ANKH: variants seen among roughly 807,000 people sequenced by gnomAD.
ANKH encodes ANKH inorganic pyrophosphate transport regulator.
ANKH carries 15 observed loss-of-function variants against 49.0 expected under a neutral mutation model. That is an observed-to-expected ratio of 0.31 (90% CI 0.20 to 0.47). ANKH has a LOEUF of 0.47. Ranked by LOEUF, ANKH falls within the 20% of genes least tolerant of loss-of-function variation. ANKH has a pLI of 1.00. For missense variants in ANKH, 429 were observed against 652.0 expected (o/e 0.66, Z 3.72); for synonymous variants, 273 against 260.0 (o/e 1.05, Z -0.48).
At position 14,805,156 on chromosome 5, in the gene ANKH, G is replaced by A. The variant is rs562343209; in HGVS notation, c.97-35965C>T. On this transcript the variant is annotated intron_variant, in intron 1 of 11. Coordinates refer to ENST00000284268, the MANE Select transcript of ANKH (RefSeq NM_054027.6). ...GGGCACAATCTAATCAGCTGCCAGC[G>A]AATATAAAGCAGGCAGAAAAATATG... Among the ~76,000 whole-genome samples, 4 of 152,096 alleles carry A rather than the reference G, an allele frequency of 2.6e-5. No homozygotes were observed. In the South Asian group the frequency reaches 6.3e-4, roughly 24 times the overall value.
chr5:14,798,040 T>C lies in ANKH; in HGVS notation c.97-28849A>G, dbSNP rs1177978231. ...CTGTTTACTTTTCCTTCATGGTTGA[T>C]CTTGATTTCTATTTCAATTTTTCCA... On this transcript the variant is annotated intron_variant, in intron 1 of 11. Transcript: ENST00000284268. 6.9e-6 allele frequency: 11 copies of C among 1,582,888 alleles called. No homozygotes were observed. In the South Asian group the frequency reaches 1.2e-4, roughly 17 times the overall value.
intron 2 of ANKH, among the ~76,000 whole-genome samples, chr5:14,759,159 T>C (rs1233867296): frequency 6.6e-6 from 1 of 152,254 alleles, no homozygotes; most frequent in Non-Finnish European, 1.5e-5. Flanking sequence ...TGCCAGTTCT[T>C]TTATTTCACT....
At chr5:14,867,451 TA>T (rs1321167440) in intron 1 of ANKH, among the ~76,000 whole-genome samples, 1 of 152,242 alleles carries the variant, frequency 6.6e-6, no homozygotes, top group Non-Finnish European at 1.5e-5. Context: ...AAAATTGAGA[TA>T]AAATAATTCT....
chr5:14,707,909 G>A lies in ANKH; in HGVS notation c.*3288C>T, dbSNP rs1049500291. The stretch of plus-strand genomic sequence containing the variant: ...CAAACCCGATGCAGGCAGTCATGGG[G>A]GATGACTGTTTTTTACCCAGAAATG... On this transcript the variant is annotated 3_prime_UTR_variant, in exon 12 of 12. Transcript: ENST00000284268. The A allele has an allele frequency of 4.6e-5, 7 of 152,130 alleles. No individual in the cohort carries two copies. The highest frequency in any genetic ancestry group is 7.3e-5 in the Non-Finnish European group (5 of 68,044). The allele number at this position is 152,130 out of a possible 1,614,324, so 9.4% of individuals were successfully genotyped here.
At chr5:14,812,604 A>G (rs1338271586) in intron 1 of ANKH, among the ~76,000 whole-genome samples, 2 of 152,058 alleles carry the variant, frequency 1.3e-5, no homozygotes, top group African/African-American at 2.4e-5. Flanking sequence ...CAGCCTGTTT[A>G]TTTGTAGCAA....
chr5:14,727,728 G>A (rs191356191), intron 8 of ANKH, among the ~76,000 whole-genome samples: 1 of 152,084 alleles, frequency 6.6e-6, no homozygotes, highest in Admixed American at 6.5e-5. Context: ...AAGGGGACAT[G>A]AGGAGTGACT....
intron 1 of ANKH, among the ~76,000 whole-genome samples, chr5:14,861,151 G>C (rs185950678): frequency 1.3e-5 from 2 of 152,276 alleles, no homozygotes; most frequent in Admixed American, 6.5e-5. Flanking sequence ...TTGAATGAAA[G>C]GCAGTAACCT....
intron 1 of ANKH, chr5:14,868,286 CATA>C (rs1404766898): frequency 6.6e-6 from 1 of 151,998 alleles, no homozygotes; most frequent in Non-Finnish European, 1.5e-5. Context: ...TATTTATCAT[CATA>C]AAACACCTCA....
chr5:14,815,114 A>G (rs1361481470), intron 1 of ANKH, among the ~76,000 whole-genome samples: 4 of 152,166 alleles, frequency 2.6e-5, no homozygotes, highest in African/African-American at 7.2e-5. Flanking sequence ...AACTGTGTAG[A>G]ATATTCTAGG....
In ANKH at chr5:14,765,444, G is replaced by A. The variant is rs75108438; in HGVS notation, c.313+3531C>T. ...TTGCCTGGGTGGGAAGAGTTGCTGG[G>A]CACATTCTCTGGGGCCATCTTTCCC... On this transcript the variant is annotated intron_variant, in intron 2 of 11. Coordinates refer to ENST00000284268, the MANE Select transcript of ANKH (RefSeq NM_054027.6). 3.9e-3 allele frequency among the ~76,000 whole-genome samples: 601 copies of A among 152,206 alleles called. 12 individuals are homozygous for A. The highest frequency in any genetic ancestry group is 0.034 in the East Asian group (177 of 5,168).
intron 8 of ANKH, among the ~76,000 whole-genome samples, chr5:14,723,004 G>A (rs998450856): frequency 2.6e-5 from 4 of 151,848 alleles, no homozygotes; most frequent in Admixed American, 6.6e-5. Context: ...CCAGACAAAC[G>A]CACATTGAGG....
chr5:14,769,434 C>T (rs1290544221), intron 1 of ANKH, among the ~76,000 whole-genome samples: 2 of 151,936 alleles, frequency 1.3e-5, no homozygotes, highest in African/African-American at 4.8e-5. Context: ...AGCAAAACAC[C>T]AACAAATATT....
At chr5:14,807,336 A>G (rs147072772) in intron 1 of ANKH, among the ~76,000 whole-genome samples, 1,750 of 152,078 alleles carry the variant, frequency 0.012, 34 homozygotes, top group African/African-American at 0.04. Context: ...GCTGGTCTTG[A>G]ACTCCTGAGC....
chr5:14,805,428 A>C (rs1740677615), intron 1 of ANKH, among the ~76,000 whole-genome samples: 2 of 128,314 alleles, frequency 1.6e-5, no homozygotes, highest in Non-Finnish European at 3.3e-5. Flanking sequence ...GTATCCTATA[A>C]ACATATATAT....
rs1052092436 is a variant in ANKH, at chr5:14,772,578, C to T, written c.97-3387G>A. On this transcript the variant is annotated intron_variant, in intron 1 of 11. Transcript: ENST00000284268. Reference sequence around the variant, plus strand: ...GAAACAAATTTTCCCTGATGGAATACATTAACACCCTAAAACAAAATAAAA... The same window carrying T: ...GAAACAAATTTTCCCTGATGGAATATATTAACACCCTAAAACAAAATAAAA... 7.2e-5 allele frequency among the ~76,000 whole-genome samples: 11 copies of T among 152,318 alleles called. No individual in the cohort carries two copies. In the South Asian group the frequency reaches 2.3e-3, roughly 32 times the overall value.
intron 9 of ANKH, among the ~76,000 whole-genome samples, chr5:14,716,262 C>T (rs1335031445): frequency 2.0e-5 from 3 of 152,040 alleles, no homozygotes; most frequent in Non-Finnish European, 2.9e-5. Flanking sequence ...AGCACTTTGC[C>T]GAGGAGGAGC....
rs1443658134 is a variant in ANKH at position 14,708,032 on chromosome 5, G to A, written c.*3165C>T. ...TCAATACTCCCTGAGCCATGTGGCCGGCAGGTCCAATCCTACCGTGACTTT... is the reference window on the plus strand; with the variant it reads ...TCAATACTCCCTGAGCCATGTGGCCAGCAGGTCCAATCCTACCGTGACTTT... On this transcript the variant is annotated 3_prime_UTR_variant, in exon 12 of 12. Transcript: ENST00000284268. The A allele has an allele frequency of 2.6e-5, 4 of 152,120 alleles. No individual in the cohort carries two copies. Among genetic ancestry groups the A allele is most frequent in the Non-Finnish European group, 4.4e-5 (3 of 68,014 alleles). The allele number at this position is 152,120 out of a possible 1,614,324, so 9.4% of individuals were successfully genotyped here.
rs560864526 is a variant in ANKH, at chr5:14,712,862, C to T, written c.1365+12G>A. On this transcript the variant is annotated intron_variant, in intron 11 of 11. Transcript: ENST00000284268. Reference sequence around the variant, plus strand: ...TGCACCCGGGAGGAGGCTCCCGGCGCGGCTGTCTCACCTGCTTCCGGTAGA... The same window carrying T: ...TGCACCCGGGAGGAGGCTCCCGGCGTGGCTGTCTCACCTGCTTCCGGTAGA... 103 of 1,595,860 alleles carry T rather than the reference C, an allele frequency of 6.5e-5. No homozygotes were observed. Among genetic ancestry groups the T allele is most frequent in the South Asian group, 2.5e-4 (22 of 87,952 alleles).
chr5:14,778,211 A>G (rs1739692875), intron 1 of ANKH, among the ~76,000 whole-genome samples: 2 of 152,186 alleles, frequency 1.3e-5, no homozygotes, highest in Admixed American at 1.3e-4. Context: ...CTTGCTGTCC[A>G]CACCATTCCA....
Sources: allele counts gnomAD v4.1 joint callset (sites outside exome capture counted in the v4.1 genomes callset), GRCh38; gene constraint gnomAD v4.1.1; transcripts MANE v1.5; gene names NCBI Gene and HGNC (gene_info 2026-07-23, HGNC 2026-07-21).